SEMA3D: variants seen among roughly 807,000 people sequenced by gnomAD.
SEMA3D encodes semaphorin 3D, also known as semaphorin-3D.
A neutral mutation model predicts 100.1 loss-of-function variants in SEMA3D; 84 were observed. That is an observed-to-expected ratio of 0.84 (90% CI 0.70 to 1.01). The LOEUF (loss-of-function observed/expected upper bound fraction) is 1.01. Among genes scored for constraint, SEMA3D ranks in the 50% least tolerant of loss-of-function variants. The probability of loss-of-function intolerance (pLI) is 0.00; values close to 1 mark genes in which losing one functional copy is unlikely to be tolerated. For missense variants in SEMA3D, 875 were observed against 934.1 expected (o/e 0.94, Z 0.82); for synonymous variants, 312 against 320.7 (o/e 0.97, Z 0.29).
rs554574884 is a variant in SEMA3D at position 85,142,698 on chromosome 7, T to C, written c.-41+10910A>G. 6.4e-4 allele frequency: 623 copies of C among 974,126 alleles called. 4 individuals carry two copies. In the African/African-American group the frequency reaches 0.011, roughly 17 times the overall value. 60.3% of individuals were successfully genotyped at this position (974,126 alleles called of 1,614,324 possible). ...CATTTTTTTTTTTTTTTTTTTAGTG[T>C]CTAAAAACCCCATCAATGTTTTCTT... is the stretch of plus-strand genomic sequence containing the variant. On this transcript the variant is annotated intron_variant, in intron 2 of 18. Transcript: ENST00000284136.
the SEMA3D span, among the ~76,000 whole-genome samples, chr7:85,245,771 CATT>C: frequency 4.6e-5 from 7 of 152,142 alleles, no homozygotes; most frequent in East Asian, 1.9e-4. Context: ...GATTATTTCT[CATT>C]ATATCTTCTC....
intron 9 of SEMA3D, among the ~76,000 whole-genome samples, chr7:85,052,661 C>CT (rs1201283503): frequency 1.3e-5 from 2 of 151,906 alleles, no homozygotes; most frequent in South Asian, 4.1e-4. Flanking sequence ...GCTCATAACT[C>CT]TATCACATCA....
At chr7:85,012,413 A>G (rs1319204245) in intron 17 of SEMA3D, among the ~76,000 whole-genome samples, 1 of 151,824 alleles carries the variant, frequency 6.6e-6, no homozygotes, top group Non-Finnish European at 1.5e-5. Flanking sequence ...CACTTTTACC[A>G]GACTTCTGGG....
At chr7:85,065,007 G>A (rs903222538) in intron 8 of SEMA3D, among the ~76,000 whole-genome samples, 32 of 152,044 alleles carry the variant, frequency 2.1e-4, no homozygotes, top group African/African-American at 7.2e-4. Context: ...ACATGCCTTG[G>A]TCTTTACACA....
chr7:85,153,128 A>G (rs568351991), intron 2 of SEMA3D, among the ~76,000 whole-genome samples: 6 of 152,230 alleles, frequency 3.9e-5, no homozygotes, highest in African/African-American at 9.6e-5. Context: ...GCAGAGCCCT[A>G]CTATACAAAA....
At chr7:85,112,303 C>T (rs987540179) in intron 3 of SEMA3D, among the ~76,000 whole-genome samples, 5 of 152,088 alleles carry the variant, frequency 3.3e-5, no homozygotes, top group Non-Finnish European at 5.9e-5. Context: ...AAACAAAGAA[C>T]CATTCTATCA....
intron 1 of SEMA3D, among the ~76,000 whole-genome samples, chr7:85,177,060 G>C (rs1791255297): frequency 6.6e-6 from 1 of 152,060 alleles, no homozygotes. Flanking sequence ...ATCTAGGTTT[G>C]CGTAGGTTCA....
intron 2 of SEMA3D, among the ~76,000 whole-genome samples, chr7:85,149,645 G>T (rs1420645691): frequency 6.6e-6 from 1 of 152,050 alleles, no homozygotes; most frequent in Non-Finnish European, 1.5e-5. Flanking sequence ...AGAAAACAAT[G>T]ACATTAAAGA....
At position 85,142,731 on chromosome 7, in the gene SEMA3D, A is replaced by C. The variant is rs572703580; in HGVS notation, c.-41+10877T>G. 4.8e-5 allele frequency: 45 copies of C among 944,472 alleles called. No homozygotes were observed. In the African/African-American group the frequency reaches 8.2e-4, roughly 17 times the overall value. The allele number at this position is 944,472 out of a possible 1,614,324, so 58.5% of individuals were successfully genotyped here. A position where few individuals can be genotyped will look rare whatever the true frequency, so the allele number is the denominator to read the frequency against. The stretch of plus-strand genomic sequence containing the variant: ...CCCCATCAATGTTTTCTTTAATTTT[A>C]TGGCTCCTCTTGCTTTTACACTAGA... On this transcript the variant is annotated intron_variant, in intron 2 of 18. Coordinates refer to ENST00000284136, the MANE Select transcript of SEMA3D (RefSeq NM_001384900.1).
intron 12 of SEMA3D, among the ~76,000 whole-genome samples, chr7:85,033,365 T>C (rs985003025): frequency 6.6e-6 from 1 of 152,122 alleles, no homozygotes; most frequent in Non-Finnish European, 1.5e-5. Flanking sequence ...TGTGTGCTTA[T>C]GAGGACAGTC....
intron 12 of SEMA3D, among the ~76,000 whole-genome samples, chr7:85,024,187 G>C (rs1252657575): frequency 1.3e-5 from 2 of 151,832 alleles, no homozygotes; most frequent in South Asian, 4.1e-4. Flanking sequence ...ATGATACAAA[G>C]CTCTTGTCCA....
chr7:85,025,494 A>G (rs889101255), intron 12 of SEMA3D, among the ~76,000 whole-genome samples: 6 of 151,932 alleles, frequency 3.9e-5, no homozygotes, highest in African/African-American at 1.4e-4. Context: ...ATGGGAAGCA[A>G]TGGATAAGAG....
At chr7:85,029,668 A>G in intron 12 of SEMA3D, 1 of 400,910 alleles carries the variant, frequency 2.5e-6, no homozygotes, top group South Asian at 2.1e-5. Flanking sequence ...GGTGCTTTTC[A>G]GGGCCCACCA....
intron 2 of SEMA3D, among the ~76,000 whole-genome samples, chr7:85,153,085 C>A (rs1393482684): frequency 6.6e-6 from 1 of 152,082 alleles, no homozygotes; most frequent in African/African-American, 2.4e-5. Flanking sequence ...TTCTCATATG[C>A]CAACGTGTGC....
At chr7:85,249,294 G>T in the SEMA3D span, among the ~76,000 whole-genome samples, 1 of 152,064 alleles carries the variant, frequency 6.6e-6, no homozygotes, top group South Asian at 2.1e-4. Flanking sequence ...AGCAATCAAG[G>T]TAATCAAAAA....
chr7:85,202,766 G>GAAATGCA, the SEMA3D span, among the ~76,000 whole-genome samples: 2 of 151,902 alleles, frequency 1.3e-5, no homozygotes, highest in Non-Finnish European at 2.9e-5. Context: ...GGCCATCAGA[G>GAAATGCA]AAATGCAAAC....
chr7:85,208,844 AAT>A, the SEMA3D span, among the ~76,000 whole-genome samples: 2 of 152,082 alleles, frequency 1.3e-5, no homozygotes, highest in Non-Finnish European at 2.9e-5. Flanking sequence ...TAGAAAAGAA[AAT>A]ACACGCAATA....
chr7:85,012,819 A>G lies in SEMA3D; in HGVS notation c.1731T>C (p.Tyr577=). The part of the protein sequence containing the change: ...KRRARRQDVK[Y]GDPITQCWDI... Reference sequence around the variant, plus strand: ...CCCAGCACTGGGTGATTGGGTCGCCATATTTTACATCTTGGCGTCTAGCTC... The same window carrying G: ...CCCAGCACTGGGTGATTGGGTCGCCGTATTTTACATCTTGGCGTCTAGCTC... Residue 577 remains tyrosine, a synonymous_variant, in exon 17 of 19, where the codon TAT becomes TAC. Transcript: ENST00000284136. 1 of 1,610,746 alleles carries G rather than the reference A, an allele frequency of 6.2e-7. No homozygotes were observed. Among genetic ancestry groups the G allele is most frequent in the Non-Finnish European group, 8.5e-7 (1 of 1,177,724 alleles).
chr7:85,183,457 G>T (rs1387691526), intron 1 of SEMA3D, among the ~76,000 whole-genome samples: 1 of 152,164 alleles, frequency 6.6e-6, no homozygotes, highest in Admixed American at 6.5e-5. Flanking sequence ...CTGTTAGCCT[G>T]TCGGAAACAG....
Sources: allele counts gnomAD v4.1 joint callset (sites outside exome capture counted in the v4.1 genomes callset), GRCh38; gene constraint gnomAD v4.1.1; transcripts MANE v1.5; gene names NCBI Gene and HGNC (gene_info 2026-07-23, HGNC 2026-07-21).